Variants in RYR2 observed in about 807,000 individuals in gnomAD.
The protein encoded by RYR2 is cardiac muscle ryanodine receptor-calcium release channel.
RYR2 carries 227 observed loss-of-function variants against 601.1 expected under a neutral mutation model. That is an observed-to-expected ratio of 0.38 (90% CI 0.34 to 0.42). The LOEUF (loss-of-function observed/expected upper bound fraction) is 0.42. Among genes scored for constraint, RYR2 ranks in the 10% least tolerant of loss-of-function variants. The pLI is 1.00. For synonymous variants in RYR2, 2,223 were observed against 2,175.1 expected (o/e 1.02, Z -0.61); for missense variants, 4,646 against 6,156.5 (o/e 0.75, Z 8.21).
At chr1:237,287,440 C>A (rs780343831) in intron 2 of RYR2, among the ~76,000 whole-genome samples, 1 of 152,206 alleles carries the variant, frequency 6.6e-6, no homozygotes, top group African/African-American at 2.4e-5. Context: ...CTCAGGAACA[C>A]TGATTATTCT....
chr1:237,250,188 C>T (rs188489356), intron 1 of RYR2, among the ~76,000 whole-genome samples: 82 of 152,314 alleles, frequency 5.4e-4, no homozygotes, highest in African/African-American at 1.7e-3. Flanking sequence ...CTGCTCCCAG[C>T]GTGGCTCTTG....
At chr1:237,469,061 A>G (rs775920719) in intron 16 of RYR2, 31 bp from the exon 17 acceptor site, 50 of 1,583,160 alleles carry the variant, frequency 3.2e-5, no homozygotes, top group African/African-American at 4.0e-5. Context: ...AGAAAATCAC[A>G]TAAAGGTGAA....
In RYR2 at chr1:237,625,805, G is replaced by A; in HGVS notation, c.6166+1G>A. The stretch of plus-strand genomic sequence containing the variant: ...GTTGAGAGTGACTCCAAAAAGTCCT[G>A]TAAGCAGTATGAGAGTGCACTGGCA... On this transcript the variant is annotated splice_donor_variant, in intron 40 of 104. Transcript: ENST00000366574. LOFTEE classifies it high-confidence loss of function. 1.2e-6 allele frequency: 2 copies of A among 1,613,284 alleles called. No individual in the cohort carries two copies. The highest frequency in any genetic ancestry group is 1.7e-6 in the Non-Finnish European group (2 of 1,179,564).
chr1:237,381,995 G>GA (rs1336018198), intron 8 of RYR2, among the ~76,000 whole-genome samples: 1 of 152,058 alleles, frequency 6.6e-6, no homozygotes, highest in Non-Finnish European at 1.5e-5. Context: ...ATTTAAAATA[G>GA]AAAAAACATG....
rs74348880 is a variant in RYR2 at position 237,302,416 on chromosome 1, G to A, written c.169-28462G>A. Among the ~76,000 whole-genome samples the A allele has an allele frequency of 9.0e-3, 1,366 of 152,230 alleles. 27 individuals carry two copies. The highest frequency in any genetic ancestry group is 0.031 in the African/African-American group (1,301 of 41,530). The stretch of plus-strand genomic sequence containing the variant: ...ACTTAAGAACTCTAGGAATTTAGAC[G>A]AAAGATACAATCATTATAATAAGAG... On this transcript the variant is annotated intron_variant, in intron 2 of 104. Coordinates refer to ENST00000366574, the MANE Select transcript of RYR2 (RefSeq NM_001035.3).
At chr1:237,095,306 C>G (rs551629149) in intron 1 of RYR2, among the ~76,000 whole-genome samples, 19 of 152,280 alleles carry the variant, frequency 1.2e-4, no homozygotes, top group African/African-American at 4.6e-4. Context: ...TCTGGGTCTT[C>G]CACTGAACAC....
At chr1:237,711,198 T>C (rs985048016) in intron 70 of RYR2, among the ~76,000 whole-genome samples, 12 of 152,298 alleles carry the variant, frequency 7.9e-5, no homozygotes, top group African/African-American at 2.9e-4. Flanking sequence ...AATATGTACT[T>C]TTGAATCTCA....
intron 27 of RYR2, among the ~76,000 whole-genome samples, chr1:237,564,262 G>T (rs1930311): frequency 0.53 from 79,844 of 151,780 alleles, 23,052 homozygotes; most frequent in Admixed American, 0.66. Context: ...CACTGAGAAC[G>T]AGTTTCTTTC....
intron 101 of RYR2, among the ~76,000 whole-genome samples, chr1:237,823,683 G>A (rs936795267): frequency 2.6e-5 from 4 of 152,146 alleles, no homozygotes; most frequent in Admixed American, 2.6e-4. Flanking sequence ...TAAGATCAGT[G>A]CAGAACTGAA....
At chr1:237,245,439 C>T (rs1348805105) in intron 1 of RYR2, among the ~76,000 whole-genome samples, 1 of 152,222 alleles carries the variant, frequency 6.6e-6, no homozygotes, top group East Asian at 1.9e-4. Flanking sequence ...TTATGTTTGT[C>T]AGGGCCCAGG....
At chr1:237,822,671 A>G (rs1470799631) in intron 101 of RYR2, among the ~76,000 whole-genome samples, 4 of 152,230 alleles carry the variant, frequency 2.6e-5, no homozygotes, top group Admixed American at 6.5e-5. Context: ...TCAAATTCAC[A>G]CATAATAATA....
chr1:237,722,454 G>A (rs1689808496), intron 73 of RYR2, among the ~76,000 whole-genome samples: 1 of 145,210 alleles, frequency 6.9e-6, no homozygotes, highest in Non-Finnish European at 1.5e-5. Flanking sequence ...TTTTTTTTGA[G>A]ATGGAGTCTC....
chr1:237,584,144 G>A lies in RYR2; in HGVS notation c.3599-5649G>A, dbSNP rs150591223. Among the ~76,000 whole-genome samples, 408 of 152,280 alleles carry A rather than the reference G, an allele frequency of 2.7e-3. 1 individual carries two copies. Among genetic ancestry groups the A allele is most frequent in the African/African-American group, 9.2e-3 (382 of 41,546 alleles). On this transcript the variant is annotated intron_variant, in intron 29 of 104. Transcript: ENST00000366574. ...AGAAGATCAAGAACACAAAGGACAG[G>A]AAGGTGGGACCCATATTTTACATGT... is the stretch of plus-strand genomic sequence containing the variant.
intron 2 of RYR2, among the ~76,000 whole-genome samples, chr1:237,310,722 C>T (rs1375634861): frequency 6.6e-6 from 1 of 152,164 alleles, no homozygotes; most frequent in African/African-American, 2.4e-5. Flanking sequence ...TTGATTGAGT[C>T]CTGTCTCAGA....
intron 99 of RYR2, 82 bp from the exon 100 acceptor site, chr1:237,808,819 C>A: frequency 7.4e-7 from 1 of 1,345,914 alleles, no homozygotes; most frequent in Non-Finnish European, 1.1e-6. Flanking sequence ...CTCACTAGAG[C>A]ACTCGCCGCC....
intron 24 of RYR2, among the ~76,000 whole-genome samples, chr1:237,519,698 A>G (rs1201732158): frequency 6.6e-6 from 1 of 152,130 alleles, no homozygotes; most frequent in Non-Finnish European, 1.5e-5. Context: ...TTATAATAGA[A>G]TTTGAAGTCA....
intron 80 of RYR2, among the ~76,000 whole-genome samples, chr1:237,754,296 G>A (rs977767007): frequency 1.3e-5 from 2 of 151,878 alleles, no homozygotes; most frequent in Non-Finnish European, 2.9e-5. Flanking sequence ...TCTATTTCTT[G>A]GTCCTTGTAA....
At chr1:237,357,724 A>G (rs1699422109) in intron 4 of RYR2, among the ~76,000 whole-genome samples, 1 of 152,166 alleles carries the variant, frequency 6.6e-6, no homozygotes, top group African/African-American at 2.4e-5. Flanking sequence ...CTTGAGGCTT[A>G]GTTTGCCAAG....
Position 237,107,317 on chromosome 1 carries a change from C to G in RYR2, c.48+64748C>G, listed in dbSNP as rs557766073. On this transcript the variant is annotated intron_variant, in intron 1 of 104. Coordinates refer to ENST00000366574, the MANE Select transcript of RYR2 (RefSeq NM_001035.3). Reference sequence around the variant, plus strand: ...CGGGCGGATCACGAGGTCAGGAGATCGAGACCATCCTGGCTAACACGGTGA... The same window carrying G: ...CGGGCGGATCACGAGGTCAGGAGATGGAGACCATCCTGGCTAACACGGTGA... Among the ~76,000 whole-genome samples, 121 of 151,188 alleles carry G rather than the reference C, an allele frequency of 8.0e-4. No homozygotes were observed. The East Asian group carries it at 8.8e-3, about 11-fold the overall frequency.
Sources: allele counts gnomAD v4.1 joint callset (sites outside exome capture counted in the v4.1 genomes callset), GRCh38; gene constraint gnomAD v4.1.1; transcripts MANE v1.5; gene names NCBI Gene and HGNC (gene_info 2026-07-23, HGNC 2026-07-21).